MDGA2: variants seen among roughly 807,000 people sequenced by gnomAD.
MDGA2 encodes the protein MAM domain-containing glycosylphosphatidylinositol anchor protein 2.
MDGA2 carries 40 observed loss-of-function variants against 117.8 expected under a neutral mutation model. The ratio of observed to expected loss-of-function variants is 0.34; its 90% CI spans 0.26 to 0.44. The LOEUF (loss-of-function observed/expected upper bound fraction) is 0.44, where lower values mean the gene tolerates loss of function less well. Among genes scored for constraint, MDGA2 ranks in the 20% least tolerant of loss-of-function variants. The probability of loss-of-function intolerance (pLI) is 1.00; values close to 1 mark genes in which losing one functional copy is unlikely to be tolerated. For missense variants in MDGA2, 1,123 were observed against 1,250.6 expected (o/e 0.90, Z 1.54); for synonymous variants, 452 against 439.0 (o/e 1.03, Z -0.37).
At chr14:47,032,454 G>GT (rs1888696735) in intron 8 of MDGA2, among the ~76,000 whole-genome samples, 1 of 152,028 alleles carries the variant, frequency 6.6e-6, no homozygotes, top group Admixed American at 6.6e-5. Flanking sequence ...AGGTATGGAG[G>GT]TGCACACTTG....
intron 2 of MDGA2, among the ~76,000 whole-genome samples, chr14:47,288,884 T>C (rs1888779381): frequency 6.6e-6 from 1 of 152,154 alleles, no homozygotes; most frequent in African/African-American, 2.4e-5. Flanking sequence ...AGAAAGATTG[T>C]TATTCCTTAC....
intron 1 of MDGA2, among the ~76,000 whole-genome samples, chr14:47,671,003 T>A (rs1898064837): frequency 6.6e-6 from 1 of 152,036 alleles, no homozygotes; most frequent in South Asian, 2.1e-4. Context: ...TATGAAGAGG[T>A]TTTCTTGCAA....
At chr14:47,600,555 AC>A (rs1896629190) in intron 1 of MDGA2, among the ~76,000 whole-genome samples, 1 of 152,074 alleles carries the variant, frequency 6.6e-6, no homozygotes. Context: ...TTGTGTCCAA[AC>A]TTTTTCCAGG....
intron 1 of MDGA2, among the ~76,000 whole-genome samples, chr14:47,619,071 AT>A: frequency 6.6e-6 from 1 of 151,090 alleles, no homozygotes; most frequent in East Asian, 2.0e-4. Context: ...GGTTATAATG[AT>A]TTTGATACAT....
chr14:47,128,365 A>C (rs907467633), intron 5 of MDGA2, among the ~76,000 whole-genome samples: 6 of 152,136 alleles, frequency 3.9e-5, no homozygotes, highest in Non-Finnish European at 5.9e-5. Flanking sequence ...TTAATTAATA[A>C]TATATACTAG....
At position 47,264,419 on chromosome 14, in the gene MDGA2, A is replaced by C. The variant is rs566730698; in HGVS notation, c.420+36992T>G. ...TTAAAGCATATTTTTGGAACACAGTACAATTAGTCTTCTATGGCATTACTC... is the reference window on the plus strand; with the variant it reads ...TTAAAGCATATTTTTGGAACACAGTCCAATTAGTCTTCTATGGCATTACTC... On this transcript the variant is annotated intron_variant, in intron 2 of 16. Transcript: ENST00000399232. Among the ~76,000 whole-genome samples the C allele has an allele frequency of 2.2e-4, 33 of 152,290 alleles. No individual in the cohort carries two copies. The South Asian group carries it at 6.4e-3, about 30-fold the overall frequency.
intron 2 of MDGA2, among the ~76,000 whole-genome samples, chr14:47,224,651 A>G (rs1886419067): frequency 6.6e-6 from 1 of 152,188 alleles, no homozygotes; most frequent in African/African-American, 2.4e-5. Flanking sequence ...TTTAGCATTA[A>G]AAGAATCCTT....
At chr14:46,878,502 G>A (rs537753471) in intron 11 of MDGA2, among the ~76,000 whole-genome samples, 2 of 151,704 alleles carry the variant, frequency 1.3e-5, no homozygotes, top group East Asian at 3.9e-4. Context: ...AAACTCTGAC[G>A]GGCAAAAATA....
intron 6 of MDGA2, among the ~76,000 whole-genome samples, chr14:47,077,110 C>G (rs544206999): frequency 3.3e-5 from 5 of 152,110 alleles, no homozygotes; most frequent in African/African-American, 1.2e-4. Flanking sequence ...TAAGCATTTT[C>G]AGGCACCAGC....
At chr14:47,276,693 T>C (rs1888321750) in intron 2 of MDGA2, among the ~76,000 whole-genome samples, 2 of 152,178 alleles carry the variant, frequency 1.3e-5, no homozygotes, top group Non-Finnish European at 2.9e-5. Context: ...AATTAATACG[T>C]GATGACTATT....
chr14:47,386,307 T>C lies in MDGA2; in HGVS notation c.281-84757A>G, dbSNP rs146681665. ...AAAAGAAAGAAAGAAAAGAATAAAG[T>C]ATAGATTTCATTTATAATCTTTTCA... On this transcript the variant is annotated intron_variant, in intron 1 of 16. Coordinates refer to ENST00000399232, the MANE Select transcript of MDGA2 (RefSeq NM_001113498.3). Among the ~76,000 whole-genome samples, 287 of 152,216 alleles carry C rather than the reference T, an allele frequency of 1.9e-3. 2 individuals are homozygous for C. Among genetic ancestry groups the C allele is most frequent in the African/African-American group, 6.1e-3 (254 of 41,542 alleles).
chr14:47,378,107 T>C (rs1313886497), intron 1 of MDGA2, among the ~76,000 whole-genome samples: 1 of 152,088 alleles, frequency 6.6e-6, no homozygotes, highest in Non-Finnish European at 1.5e-5. Flanking sequence ...GGGTCTGGAG[T>C]GGACCTACAG....
intron 1 of MDGA2, among the ~76,000 whole-genome samples, chr14:47,478,602 C>G (rs1871567715): frequency 6.6e-6 from 1 of 152,122 alleles, no homozygotes; most frequent in Admixed American, 6.5e-5. Flanking sequence ...TCTCAAACTC[C>G]TGGGCTCAAG....
At chr14:47,357,606 A>C (rs905751368) in intron 1 of MDGA2, among the ~76,000 whole-genome samples, 1 of 152,192 alleles carries the variant, frequency 6.6e-6, no homozygotes, top group Non-Finnish European at 1.5e-5. Context: ...AGCTCAAGCA[A>C]CAAGGTTTGC....
chr14:47,391,282 A>G (rs1011092583), intron 1 of MDGA2, among the ~76,000 whole-genome samples: 1 of 152,192 alleles, frequency 6.6e-6, no homozygotes, highest in Non-Finnish European at 1.5e-5. Flanking sequence ...GAAGGGAGAA[A>G]ATGCACAAAT....
At chr14:47,281,251 G>A (rs1485313623) in intron 2 of MDGA2, among the ~76,000 whole-genome samples, 1 of 151,314 alleles carries the variant, frequency 6.6e-6, no homozygotes, top group African/African-American at 2.4e-5. Context: ...AGGATGACAT[G>A]ACCATTAAGT....
chr14:46,867,559 A>G (rs1165570239), intron 14 of MDGA2, among the ~76,000 whole-genome samples: 2 of 152,032 alleles, frequency 1.3e-5, no homozygotes, highest in South Asian at 4.1e-4. Flanking sequence ...AAAAAAAGAG[A>G]AACTTAATGA....
chr14:47,118,580 T>A (rs547170334), intron 5 of MDGA2, among the ~76,000 whole-genome samples: 16 of 152,312 alleles, frequency 1.1e-4, no homozygotes, highest in African/African-American at 3.8e-4. Flanking sequence ...TACTGAAATA[T>A]CCTTGTAGAG....
At chr14:47,010,650 T>C (rs1390260732) in intron 8 of MDGA2, among the ~76,000 whole-genome samples, 1 of 152,024 alleles carries the variant, frequency 6.6e-6, no homozygotes, top group Non-Finnish European at 1.5e-5. Flanking sequence ...CATTGTATTG[T>C]TGACTCGCCT....
Sources: gnomAD v4.1 joint callset for allele counts (sites outside exome capture counted in the v4.1 genomes callset) on GRCh38, gnomAD v4.1.1 for gene constraint, MANE v1.5 for transcripts, NCBI Gene and HGNC (gene_info 2026-07-23, HGNC 2026-07-21) for gene names.